NEGR1: variants seen among roughly 807,000 people sequenced by gnomAD.
The protein encoded by NEGR1 is neuronal growth regulator 1.
NEGR1 carries 10 observed loss-of-function variants against 40.9 expected under a neutral mutation model. The observed-to-expected ratio is 0.24, with a 90% CI of 0.15 to 0.42. NEGR1 has a LOEUF of 0.42. Ranked by LOEUF, NEGR1 falls within the 10% of genes least tolerant of loss-of-function variation. NEGR1 has a pLI of 1.00. For synonymous variants in NEGR1, 185 were observed against 166.8 expected, an observed-to-expected ratio of 1.11 and a Z score of -0.84; for missense variants, 352 against 438.9, an observed-to-expected ratio of 0.80 and a Z score of 1.77.
chr1:72,001,243 C>G (rs1401655888), intron 1 of NEGR1, among the ~76,000 whole-genome samples: 2 of 151,978 alleles, frequency 1.3e-5, no homozygotes, highest in Non-Finnish European at 2.9e-5. Context: ...AGAGCTTTCT[C>G]TCTTTCTTTC....
intron 1 of NEGR1, among the ~76,000 whole-genome samples, chr1:72,044,604 G>C (rs1209691100): frequency 6.6e-6 from 1 of 151,630 alleles, no homozygotes; most frequent in Non-Finnish European, 1.5e-5. Flanking sequence ...GTATCGCACT[G>C]ACAAACCAAA....
intron 4 of NEGR1, among the ~76,000 whole-genome samples, chr1:71,643,556 G>A (rs1180561609): frequency 1.3e-5 from 2 of 151,924 alleles, no homozygotes; most frequent in Non-Finnish European, 2.9e-5. Flanking sequence ...CCCACTCTTA[G>A]GAAGCAGGAT....
intron 2 of NEGR1, among the ~76,000 whole-genome samples, chr1:71,930,528 TC>T (rs1345003315): frequency 1.3e-5 from 2 of 152,160 alleles, no homozygotes; most frequent in Non-Finnish European, 2.9e-5. Flanking sequence ...TTCCTATCTA[TC>T]TTGGTGTTCT....
At chr1:72,048,569 G>A (rs1439443322) in intron 1 of NEGR1, among the ~76,000 whole-genome samples, 1 of 151,490 alleles carries the variant, frequency 6.6e-6, no homozygotes, top group Non-Finnish European at 1.5e-5. Flanking sequence ...TAAATCGGGT[G>A]GAATAGTGAG....
intron 6 of NEGR1, among the ~76,000 whole-genome samples, chr1:71,583,559 G>A (rs1649206131): frequency 6.6e-6 from 1 of 152,140 alleles, no homozygotes; most frequent in Admixed American, 6.5e-5. Flanking sequence ...CCTAAAAAAT[G>A]TGTTTACTTA....
At chr1:71,678,753 C>A (rs1652729231) in intron 4 of NEGR1, among the ~76,000 whole-genome samples, 1 of 152,048 alleles carries the variant, frequency 6.6e-6, no homozygotes, top group African/African-American at 2.4e-5. Flanking sequence ...TAGCCCATTA[C>A]TGGAAAGCAG....
At chr1:71,597,195 A>T (rs12742274) in intron 5 of NEGR1, among the ~76,000 whole-genome samples, 87,121 of 151,714 alleles carry the variant, frequency 0.57, 25,948 homozygotes, top group Non-Finnish European at 0.67. Context: ...GAACTCTTAC[A>T]TGGACTTAAC....
chr1:71,587,501 A>C (rs1258976996), intron 6 of NEGR1, among the ~76,000 whole-genome samples: 9 of 152,146 alleles, frequency 5.9e-5, no homozygotes, highest in Admixed American at 4.6e-4. Context: ...TGACTGCATA[A>C]AGCATTTAAA....
intron 1 of NEGR1, among the ~76,000 whole-genome samples, chr1:72,176,549 T>C (rs371978248): frequency 6.6e-6 from 1 of 152,088 alleles, no homozygotes; most frequent in African/African-American, 2.4e-5. Flanking sequence ...ACTGATCTAA[T>C]TGTTCATGGA....
At chr1:72,253,494 T>C (rs192840243) in intron 1 of NEGR1, among the ~76,000 whole-genome samples, 168 of 152,308 alleles carry the variant, frequency 1.1e-3, no homozygotes, top group Non-Finnish European at 2.0e-3. Context: ...ATTTCTGCTA[T>C]ATCTTGGAAC....
chr1:71,626,832 T>C (rs182430076), intron 4 of NEGR1, among the ~76,000 whole-genome samples: 4 of 151,784 alleles, frequency 2.6e-5, no homozygotes, highest in Admixed American at 6.6e-5. Flanking sequence ...AAAAAGTGGG[T>C]GAAGGATATG....
intron 2 of NEGR1, among the ~76,000 whole-genome samples, chr1:71,897,260 C>T (rs1327763418): frequency 6.6e-6 from 1 of 152,068 alleles, no homozygotes; most frequent in Non-Finnish European, 1.5e-5. Flanking sequence ...CATTTCCCGA[C>T]ATGAATATCT....
intron 1 of NEGR1, among the ~76,000 whole-genome samples, chr1:72,038,217 G>A (rs923858890): frequency 6.6e-6 from 1 of 151,990 alleles, no homozygotes; most frequent in Admixed American, 6.6e-5. Context: ...TTCTGCAGTT[G>A]CACATACGAT....
At chr1:72,257,321 CAAAAAAAAAAA>C (rs34220734) in intron 1 of NEGR1, among the ~76,000 whole-genome samples, 1 of 57,130 alleles carries the variant, frequency 1.8e-5, no homozygotes, top group South Asian at 7.7e-4. Context: ...GACTCTGTCT[CAAAAAAAAAAA>C]AAAAAAAAAA....
chr1:71,787,325 T>C (rs186573255), intron 2 of NEGR1, among the ~76,000 whole-genome samples: 5 of 152,168 alleles, frequency 3.3e-5, no homozygotes, highest in Admixed American at 6.5e-5. Context: ...AAATAGATGA[T>C]AAAACTTCCC....
intron 2 of NEGR1, among the ~76,000 whole-genome samples, chr1:71,855,400 G>A (rs1557678484): frequency 1.3e-5 from 2 of 151,924 alleles, no homozygotes; most frequent in African/African-American, 4.8e-5. Flanking sequence ...CATCCTAGGA[G>A]AAAAGCAGTT....
intron 1 of NEGR1, among the ~76,000 whole-genome samples, chr1:71,950,558 A>G (rs1646060590): frequency 6.6e-6 from 1 of 151,996 alleles, no homozygotes; most frequent in Non-Finnish European, 1.5e-5. Context: ...TACCTTAGCC[A>G]TTAATCTCTC....
At chr1:71,849,798 G>C (rs1467139366) in intron 2 of NEGR1, among the ~76,000 whole-genome samples, 1 of 152,048 alleles carries the variant, frequency 6.6e-6, no homozygotes, top group African/African-American at 2.4e-5. Context: ...CCTGATGAAG[G>C]CTCGGATGAT....
intron 1 of NEGR1, among the ~76,000 whole-genome samples, chr1:72,264,896 A>T (rs184151239): frequency 1.1e-3 from 170 of 150,886 alleles, no homozygotes; most frequent in Middle Eastern, 6.9e-3. Flanking sequence ...CTACAGATGG[A>T]AAACACATTA....
Sources: allele counts gnomAD v4.1 joint callset (sites outside exome capture counted in the v4.1 genomes callset), GRCh38; gene constraint gnomAD v4.1.1; transcripts MANE v1.5; gene names NCBI Gene and HGNC (gene_info 2026-07-23, HGNC 2026-07-21).